The following BEND6 variants were observed in gnomAD, a reference collection of about 807,000 sequenced individuals.
The protein encoded by BEND6 is BEN domain-containing protein 6.
Under a neutral mutation model 31.8 loss-of-function variants are expected in BEND6, and 24 were observed. The ratio of observed to expected loss-of-function variants is 0.75; its 90% CI spans 0.55 to 1.06. The LOEUF (loss-of-function observed/expected upper bound fraction) is 1.06, where lower values mean the gene tolerates loss of function less well. Ranked by LOEUF, BEND6 falls within the 50% of genes least tolerant of loss-of-function variation. The pLI is 0.00. For missense variants in BEND6, 294 were observed against 327.4 expected (o/e 0.90, Z 0.79); for synonymous variants, 109 against 114.6 (o/e 0.95, Z 0.31).
intron 1 of BEND6, among the ~76,000 whole-genome samples, chr6:56,972,131 A>G (rs1825714016): frequency 8.9e-6 from 1 of 112,198 alleles, no homozygotes; most frequent in African/African-American, 3.6e-5. Context: ...GTCTTACTCT[A>G]TCACCCAGGC....
At chr6:57,009,608 C>T (rs531882885) in intron 3 of BEND6, 2 of 152,156 alleles carry the variant, frequency 1.3e-5, no homozygotes, top group African/African-American at 4.8e-5. Context: ...CAAAATGAGA[C>T]TTGTGAAGAA....
At chr6:57,014,593 T>C in intron 3 of BEND6, 5 of 1,187,740 alleles carry the variant, frequency 4.2e-6, no homozygotes, top group Non-Finnish European at 5.8e-6. Flanking sequence ...ATCTTTAATA[T>C]ATCACAACAC....
At chr6:56,967,878 G>GGAA (rs1219423573) in intron 1 of BEND6, among the ~76,000 whole-genome samples, 1 of 152,210 alleles carries the variant, frequency 6.6e-6, no homozygotes, top group Non-Finnish European at 1.5e-5. Flanking sequence ...GTTCCACCGT[G>GGAA]GACCTCAGCT....
intron 3 of BEND6, among the ~76,000 whole-genome samples, 157 bp from the exon 4 acceptor site, chr6:57,014,976 G>C (rs535667506): frequency 1.3e-5 from 2 of 152,124 alleles, no homozygotes; most frequent in African/African-American, 4.8e-5. Flanking sequence ...AAGTAAATAT[G>C]TTCCAAACAC....
At chr6:57,008,365 C>T in intron 3 of BEND6, 1 of 628,092 alleles carries the variant, frequency 1.6e-6, no homozygotes, top group Non-Finnish European at 2.8e-6. Context: ...TCATTTCTAG[C>T]TTTGATGTCT....
chr6:56,985,828 A>G (rs1418403752), intron 2 of BEND6, among the ~76,000 whole-genome samples: 3 of 152,140 alleles, frequency 2.0e-5, no homozygotes, highest in African/African-American at 7.2e-5. Context: ...GTCAATTCTT[A>G]TTGATTTGCA....
chr6:56,965,288 T>G (rs572262308), intron 1 of BEND6, among the ~76,000 whole-genome samples: 1 of 152,308 alleles, frequency 6.6e-6, no homozygotes, highest in South Asian at 2.1e-4. Flanking sequence ...CCACTTAAGA[T>G]GATTTATTAA....
intron 3 of BEND6, among the ~76,000 whole-genome samples, chr6:57,001,297 G>A (rs933764892): frequency 3.3e-5 from 5 of 151,464 alleles, no homozygotes; most frequent in African/African-American, 7.3e-5. Flanking sequence ...CCAAGTAACC[G>A]AGACTACAAG....
chr6:56,967,118 G>A lies in BEND6; in HGVS notation c.-101+11658G>A, dbSNP rs141772312. 3.7e-4 allele frequency among the ~76,000 whole-genome samples: 56 copies of A among 152,164 alleles called. 2 individuals carry two copies. The South Asian group carries it at 8.9e-3, about 24-fold the overall frequency. On this transcript the variant is annotated intron_variant, in intron 1 of 6. Transcript: ENST00000370746. ...GTATTGGCAACGGAAGGAATCTATCGGCTGGCAACAAATAGACACACAGGC... is the reference window on the plus strand; with the variant it reads ...GTATTGGCAACGGAAGGAATCTATCAGCTGGCAACAAATAGACACACAGGC...
intron 1 of BEND6, among the ~76,000 whole-genome samples, chr6:56,974,109 T>C (rs571617965): frequency 2.0e-5 from 3 of 152,338 alleles, no homozygotes; most frequent in Admixed American, 2.0e-4. Context: ...CAGACTGTAG[T>C]TCACTGCAGG....
intron 4 of BEND6, 28 bp downstream of exon 4, chr6:57,015,381 C>G: frequency 6.4e-7 from 1 of 1,558,006 alleles, no homozygotes; most frequent in Non-Finnish European, 8.8e-7. Flanking sequence ...CCTTATTGTT[C>G]TTTGGAATAT....
chr6:57,014,227 A>T (rs1394268380), intron 3 of BEND6, among the ~76,000 whole-genome samples: 9 of 152,266 alleles, frequency 5.9e-5, no homozygotes, highest in Admixed American at 5.9e-4. Flanking sequence ...AGAACAGAAA[A>T]TAAGATTTTC....
chr6:57,003,959 G>T (rs777083128), intron 3 of BEND6, among the ~76,000 whole-genome samples: 1 of 152,076 alleles, frequency 6.6e-6, no homozygotes, highest in Non-Finnish European at 1.5e-5. Flanking sequence ...TGTGGAAAAA[G>T]CTTTAAATAA....
chr6:57,017,128 A>G, intron 4 of BEND6, 79 bp from the exon 5 acceptor site: 2 of 910,170 alleles, frequency 2.2e-6, no homozygotes, highest in Non-Finnish European at 3.0e-6. Flanking sequence ...GTTTTCTTTT[A>G]TGCCTTAACT....
chr6:57,006,687 C>T (rs1168879596), intron 3 of BEND6, among the ~76,000 whole-genome samples: 1 of 152,132 alleles, frequency 6.6e-6, no homozygotes, highest in African/African-American at 2.4e-5. Flanking sequence ...AGATTGAATG[C>T]AATTCCTATC....
chr6:56,972,172 G>A (rs62417385), intron 1 of BEND6, among the ~76,000 whole-genome samples: 10,634 of 126,480 alleles, frequency 0.084, 498 homozygotes, highest in East Asian at 0.23. Flanking sequence ...TCAGCTCACC[G>A]CAACCTCCCC....
At position 56,982,579 on chromosome 6, in the gene BEND6, G is replaced by T. The variant is rs149477638; in HGVS notation, c.120+649G>T. 4.5e-3 allele frequency among the ~76,000 whole-genome samples: 686 copies of T among 151,980 alleles called. 5 individuals carry two copies. The highest frequency in any genetic ancestry group is 0.015 in the African/African-American group (638 of 41,454). ...TTTATTTCTGTATCTTTTTATTTGT[G>T]TGTTTTTGTAATACATATAATTGCA... is the stretch of plus-strand genomic sequence containing the variant. On this transcript the variant is annotated intron_variant, in intron 2 of 6. Coordinates refer to ENST00000370746, the MANE Select transcript of BEND6 (RefSeq NM_152731.3).
At chr6:56,999,894 G>A (rs962521608) in intron 3 of BEND6, among the ~76,000 whole-genome samples, 1 of 152,162 alleles carries the variant, frequency 6.6e-6, no homozygotes, top group Non-Finnish European at 1.5e-5. Flanking sequence ...GATGTGAGGA[G>A]CGCCTCTGCC....
At chr6:56,997,665 T>C (rs554474338) in intron 3 of BEND6, among the ~76,000 whole-genome samples, 3 of 152,318 alleles carry the variant, frequency 2.0e-5, no homozygotes, top group African/African-American at 7.2e-5. Context: ...GCCATTCTCC[T>C]GCCTCAGCCT....
Sources: allele counts gnomAD v4.1 joint callset (sites outside exome capture counted in the v4.1 genomes callset), GRCh38; gene constraint gnomAD v4.1.1; transcripts MANE v1.5; gene names NCBI Gene and HGNC (gene_info 2026-07-23, HGNC 2026-07-21).